The following TTYH1 variants were observed in gnomAD, a reference collection of about 807,000 sequenced individuals.
TTYH1 encodes the protein protein tweety homolog 1.
A neutral mutation model predicts 61.2 loss-of-function variants in TTYH1; 33 were observed. The ratio of observed to expected loss-of-function variants is 0.54; its 90% CI spans 0.41 to 0.72. TTYH1 has a LOEUF of 0.72. Ranked by LOEUF, TTYH1 falls within the 30% of genes least tolerant of loss-of-function variation. The pLI, the probability that TTYH1 is intolerant of heterozygous loss-of-function variation, is 0.00. For missense variants in TTYH1, 538 were observed against 575.8 expected (o/e 0.93, Z 0.67); for synonymous variants, 308 against 266.4 (o/e 1.16, Z -1.52).
At chr19:54,427,926 A>T (rs1008144673) in intron 5 of TTYH1, among the ~76,000 whole-genome samples, 5 of 151,518 alleles carry the variant, frequency 3.3e-5, no homozygotes, top group African/African-American at 1.2e-4. Context: ...TCTGTTTTTT[A>T]TTTTGAGAAG....
intron 10 of TTYH1, chr19:54,433,286 T>C (rs138285324): frequency 0.014 from 2,191 of 152,358 alleles, 31 homozygotes; most frequent in South Asian, 0.062. Context: ...GGCCGGGCAC[T>C]GTGGCTCACG....
chr19:54,430,953 G>A (rs774169310), intron 9 of TTYH1, 48 bp downstream of exon 9: 3 of 1,592,256 alleles, frequency 1.9e-6, no homozygotes, highest in East Asian at 2.2e-5. Context: ...CGGGGAAGGC[G>A]GACGGGGCGG....
chr19:54,427,719 G>A lies in TTYH1; in HGVS notation c.734+951G>A, dbSNP rs150367014. Among the ~76,000 whole-genome samples the A allele has an allele frequency of 3.6e-4, 55 of 152,214 alleles. 1 individual carries two copies. The East Asian group carries it at 9.7e-3, about 27-fold the overall frequency. ...TGAAGGAGCTACCATAAGGCTCCAT[G>A]TGGCCGGTCAGGGACCTGACTAAGA... On this transcript the variant is annotated intron_variant, in intron 5 of 13. Coordinates refer to ENST00000376530, the MANE Select transcript of TTYH1 (RefSeq NM_020659.4).
At chr19:54,427,490 G>A (rs1412586981) in intron 5 of TTYH1, among the ~76,000 whole-genome samples, 1 of 151,404 alleles carries the variant, frequency 6.6e-6, no homozygotes, top group Non-Finnish European at 1.5e-5. Context: ...TATAGTCCCA[G>A]CTACTCGGGA....
At chr19:54,424,563 G>A (rs920843001) in intron 4 of TTYH1, among the ~76,000 whole-genome samples, 2 of 152,248 alleles carry the variant, frequency 1.3e-5, no homozygotes, top group Admixed American at 6.5e-5. Context: ...AGGCCCAGGG[G>A]CTGCACAAGC....
At chr19:54,424,127 C>G (rs1376747440) in intron 4 of TTYH1, among the ~76,000 whole-genome samples, 1 of 151,594 alleles carries the variant, frequency 6.6e-6, no homozygotes, top group Non-Finnish European at 1.5e-5. Context: ...TGCCACTGCA[C>G]TCCAGCCTGG....
chr19:54,435,454 G>C lies in TTYH1; in HGVS notation c.1126-88G>C, dbSNP rs1004349619. On this transcript the variant is annotated intron_variant, in intron 10 of 13. Coordinates refer to ENST00000376530, the MANE Select transcript of TTYH1 (RefSeq NM_020659.4). ...GTCAGTTGACGTGTGCAGTACCACAGCCGGGAGGACGGTCAGACTGATGTG... is the reference window on the plus strand; with the variant it reads ...GTCAGTTGACGTGTGCAGTACCACACCCGGGAGGACGGTCAGACTGATGTG... 42 of 1,481,880 alleles carry C rather than the reference G, an allele frequency of 2.8e-5. 1 individual carries two copies. The African/African-American group carries it at 5.4e-4, about 19-fold the overall frequency. 91.8% of individuals were successfully genotyped at this position (1,481,880 alleles called of 1,614,324 possible).
At chr19:54,422,877 C>T (rs1016963221) in intron 4 of TTYH1, among the ~76,000 whole-genome samples, 7 of 142,134 alleles carry the variant, frequency 4.9e-5, no homozygotes, top group African/African-American at 1.9e-4. Flanking sequence ...TGCAGTGAGC[C>T]GAGATTTCAC....
chr19:54,419,674 G>A lies in TTYH1; in HGVS notation c.305+368G>A, dbSNP rs1288710460. On this transcript the variant is annotated intron_variant, in intron 2 of 13. Coordinates refer to ENST00000376530, the MANE Select transcript of TTYH1 (RefSeq NM_020659.4). This position sits in a 1 kb window ranked among gnomAD's most constrained non-coding sequence, Gnocchi z 6.1. ...TCTGTAAACTGGGCATTATCATCTC[G>A]CCCACCTCCTGCGGGGGTAAGATGG... 12 of 503,470 alleles carry A rather than the reference G, an allele frequency of 2.4e-5. No individual in the cohort carries two copies. Among genetic ancestry groups the A allele is most frequent in the South Asian group, 3.3e-5 (2 of 60,660 alleles). 31.2% of individuals were successfully genotyped at this position (503,470 alleles called of 1,614,324 possible). A position where few individuals can be genotyped will look rare whatever the true frequency, so the allele number is the denominator to read the frequency against.
At position 54,422,224 on chromosome 19, in the gene TTYH1, T is replaced by C. The variant is rs1372910760; in HGVS notation, c.452T>C (p.Val151Ala). 2 of 1,564,926 alleles carry C rather than the reference T, an allele frequency of 1.3e-6. No homozygotes were observed. The highest frequency in any genetic ancestry group is 2.7e-5 in the African/African-American group (2 of 74,218). Reference sequence around the variant, plus strand: ...ACGGTGGAGAGGCTGGGCGAGGCGGTGAGGACAGAGCTGACCACCCTGGAG... The same window carrying C: ...ACGGTGGAGAGGCTGGGCGAGGCGGCGAGGACAGAGCTGACCACCCTGGAG... ...LETVERLGEA[V>A]RTELTTLEEV... The change falls in exon 4 of 14, where the codon GTG becomes GCG. Residue 151 changes from valine to alanine, a missense_variant. Physicochemically the swap from Val to Ala is moderately conservative, Grantham distance 64. Transcript: ENST00000376530.
intron 1 of TTYH1, among the ~76,000 whole-genome samples, chr19:54,417,188 A>G (rs1283241764): frequency 6.6e-6 from 1 of 151,894 alleles, no homozygotes; most frequent in Non-Finnish European, 1.5e-5. Context: ...TCACATGCAC[A>G]CACATATGCA....
In TTYH1 at chr19:54,429,312, C is replaced by G. The variant is rs1227213652; in HGVS notation, c.740C>G (p.Thr247Arg). The G allele has an allele frequency of 3.1e-6, 5 of 1,614,088 alleles. No homozygotes were observed. The highest frequency in any genetic ancestry group is 4.2e-6 in the Non-Finnish European group (5 of 1,179,972). Residue 247 changes from threonine to arginine, a missense_variant, in exon 6 of 14, where the codon ACA becomes AGA. Physicochemically the swap from Thr to Arg is moderately conservative, Grantham distance 71. Coordinates refer to ENST00000376530, the MANE Select transcript of TTYH1 (RefSeq NM_020659.4). The surrounding 1 kb of genome is among the most constrained non-coding windows in gnomAD (Gnocchi z 5.1). ...TCCTCCCTCCCCCACTCTAGGATGA[C>G]AGTCATGAGTCTCCTGGTTCTCGTC... The part of the protein sequence containing the change: ...KQSKWLVIVM[T>R]VMSLLVLVLS...
intron 4 of TTYH1, among the ~76,000 whole-genome samples, chr19:54,423,934 A>C (rs1223031519): frequency 6.6e-6 from 1 of 152,156 alleles, no homozygotes; most frequent in Non-Finnish European, 1.5e-5. Context: ...AAGCCGAGGC[A>C]GGCGGATCAC....
chr19:54,418,992 C>T (rs746595649), intron 1 of TTYH1, 136 bp from the exon 2 acceptor site: 1 of 876,714 alleles, frequency 1.1e-6, no homozygotes, highest in Non-Finnish European at 1.7e-6. Context: ...CCCAATCTCC[C>T]CCAAGATTAG....
In TTYH1 at chr19:54,435,693, C is replaced by T. The variant is rs532306364; in HGVS notation, c.1268+9C>T. The T allele has an allele frequency of 1.9e-4, 306 of 1,607,472 alleles. No individual in the cohort carries two copies. Among genetic ancestry groups the T allele is most frequent in the South Asian group, 2.0e-4 (18 of 90,584 alleles). On this transcript the variant is annotated intron_variant, in intron 11 of 13. Coordinates refer to ENST00000376530, the MANE Select transcript of TTYH1 (RefSeq NM_020659.4). ...GCCCTCTTCCCACCCAGGTCAGGAG[C>T]GGGGGAGGGTAGGGTCCTGGGGAGG...
chr19:54,426,463 A>G (rs998995311), intron 4 of TTYH1: 3 of 601,926 alleles, frequency 5.0e-6, no homozygotes, highest in Non-Finnish European at 9.1e-6. Context: ...TGTATTCTAA[A>G]CCGCTCCAGT....
Position 54,415,547 on chromosome 19 carries a change from G to C in TTYH1, c.-6G>C. ...GTCCGCCCCGCTGCCCCCTCCCCCG[G>C]GGGCCATGGGGGCGCCCCCGGGCTA... On this transcript the variant is annotated 5_prime_UTR_variant, in exon 1 of 14. Transcript: ENST00000376530. The surrounding 1 kb of genome is among the most constrained non-coding windows in gnomAD (Gnocchi z 5.2). 1 of 1,463,524 alleles carries C rather than the reference G, an allele frequency of 6.8e-7. No homozygotes were observed. Among genetic ancestry groups the C allele is most frequent in the Non-Finnish European group, 9.0e-7 (1 of 1,112,032 alleles). 90.7% of individuals were successfully genotyped at this position (1,463,524 alleles called of 1,614,324 possible).
chr19:54,436,577 G>A lies in TTYH1; in HGVS notation c.*287G>A, dbSNP rs548479959. The stretch of plus-strand genomic sequence containing the variant: ...CCTGGCTGCCGGTCCCATCCTTGGA[G>A]GGACTAAGCTGGGGGTGGGGGACAT... On this transcript the variant is annotated 3_prime_UTR_variant, in exon 14 of 14. Coordinates refer to ENST00000376530, the MANE Select transcript of TTYH1 (RefSeq NM_020659.4). The surrounding 1 kb of genome is among the most constrained non-coding windows in gnomAD (Gnocchi z 4.3). 8.5e-3 allele frequency: 5,250 copies of A among 615,896 alleles called. 59 individuals carry two copies. The highest frequency in any genetic ancestry group is 0.052 in the Middle Eastern group (142 of 2,752). 38.2% of individuals were successfully genotyped at this position (615,896 alleles called of 1,614,324 possible). A position where few individuals can be genotyped will look rare whatever the true frequency, so the allele number is the denominator to read the frequency against.
intron 10 of TTYH1, chr19:54,432,769 A>G (rs555874936): frequency 1.3e-5 from 2 of 152,276 alleles, no homozygotes; most frequent in Admixed American, 6.5e-5. Flanking sequence ...AGATACTTAT[A>G]CTAGAAAATT....
Sources: gnomAD v4.1 joint callset for allele counts (sites outside exome capture counted in the v4.1 genomes callset) on GRCh38, gnomAD v4.1.1 for gene constraint, Gnocchi (gnomAD v3.1) non-coding constraint, MANE v1.5 for transcripts, NCBI Gene and HGNC (gene_info 2026-07-23, HGNC 2026-07-21) for gene names.